IL1RAPL1: variants seen among roughly 807,000 people sequenced by gnomAD.
IL1RAPL1 encodes interleukin-1 receptor accessory protein-like 1.
Under a neutral mutation model 48.4 loss-of-function variants are expected in IL1RAPL1, and 3 were observed. The observed-to-expected ratio is 0.06, with a 90% CI of 0.03 to 0.16. IL1RAPL1 has a LOEUF of 0.16. IL1RAPL1 is among the 10% of genes least tolerant of loss of function. The probability of loss-of-function intolerance (pLI) is 1.00; values close to 1 mark genes in which losing one functional copy is unlikely to be tolerated. For synonymous variants in IL1RAPL1, 185 were observed against 187.7 expected (o/e 0.99, Z 0.12); for missense variants, 349 against 530.6 (o/e 0.66, Z 3.36).
At chrX:29,178,366 G>A (rs1930071450) in intron 2 of IL1RAPL1, among the ~76,000 whole-genome samples, 1 of 112,274 alleles carries the variant, frequency 8.9e-6, no homozygotes, top group African/African-American at 3.2e-5. Flanking sequence ...ATTTTGTCAT[G>A]TGTCTATTGG....
chrX:28,835,001 C>T (rs1921169055), intron 2 of IL1RAPL1, among the ~76,000 whole-genome samples: 1 of 111,789 alleles, frequency 8.9e-6, no homozygotes, highest in African/African-American at 3.2e-5. Context: ...GAATACCCCA[C>T]ATAGAGGTCA....
At chrX:29,313,285 G>A (rs986788189) in intron 3 of IL1RAPL1, among the ~76,000 whole-genome samples, 11 of 75,274 alleles carry the variant, frequency 1.5e-4, no homozygotes, top group Admixed American at 7.7e-4. Flanking sequence ...GTGTGTGTGT[G>A]TGCGCGCGCA....
At chrX:29,046,832 C>T (rs776740814) in intron 2 of IL1RAPL1, among the ~76,000 whole-genome samples, 2 of 112,220 alleles carry the variant, frequency 1.8e-5, no homozygotes, top group Admixed American at 9.5e-5. Flanking sequence ...CATAATCATT[C>T]ATCAGCTCAA....
At chrX:28,651,836 C>G (rs1222949297) in intron 1 of IL1RAPL1, among the ~76,000 whole-genome samples, 1 of 111,494 alleles carries the variant, frequency 9.0e-6, no homozygotes, top group East Asian at 2.8e-4. Context: ...TACTTTAGCA[C>G]GACAGAGTTA....
At chrX:28,869,532 T>C (rs1241557330) in intron 2 of IL1RAPL1, among the ~76,000 whole-genome samples, 1 of 111,785 alleles carries the variant, frequency 8.9e-6, no homozygotes, top group Non-Finnish European at 1.9e-5. Flanking sequence ...GAAAGTAAAG[T>C]GGGATATGAT....
intron 2 of IL1RAPL1, among the ~76,000 whole-genome samples, chrX:29,020,077 A>G (rs955190337): frequency 8.9e-6 from 1 of 112,756 alleles, no homozygotes; most frequent in African/African-American, 3.2e-5. Flanking sequence ...TAAAGAACGA[A>G]CGAATGAATA....
rs745802066 is a variant in IL1RAPL1 at position 29,221,674 on chromosome X, T to C, written c.83-61264T>C. On this transcript the variant is annotated intron_variant, in intron 2 of 10. Coordinates refer to ENST00000378993, the MANE Select transcript of IL1RAPL1 (RefSeq NM_014271.4). The stretch of plus-strand genomic sequence containing the variant: ...ACACACACACACACACACACACACA[T>C]ATGACAGACTTCTCCAGCTCTCTGA... Among the ~76,000 whole-genome samples the C allele has an allele frequency of 1.0e-3, 89 of 87,705 alleles. 1 individual carries two copies. The South Asian group carries it at 0.018, about 18-fold the overall frequency. The allele number at this position is 87,705 out of a possible 115,157, so 76.2% of individuals were successfully genotyped here.
intron 2 of IL1RAPL1, among the ~76,000 whole-genome samples, chrX:29,153,728 C>T (rs923185477): frequency 8.9e-6 from 1 of 112,065 alleles, no homozygotes; most frequent in Non-Finnish European, 1.9e-5. Flanking sequence ...TTTGTATTGA[C>T]CACATTGAGA....
At chrX:28,962,694 A>G (rs1194073924) in intron 2 of IL1RAPL1, among the ~76,000 whole-genome samples, 1 of 111,485 alleles carries the variant, frequency 9.0e-6, no homozygotes, top group Non-Finnish European at 1.9e-5. Context: ...CAGTATTTAC[A>G]TTCTATTAGG....
chrX:28,757,676 C>T, intron 1 of IL1RAPL1, among the ~76,000 whole-genome samples: 1 of 111,812 alleles, frequency 8.9e-6, no homozygotes, highest in Non-Finnish European at 1.9e-5. Flanking sequence ...AGGCAGTTTC[C>T]AGCACTGTCA....
rs113623986 is a variant in IL1RAPL1 at position 29,505,068 on chromosome X, C to A, written c.703+105760C>A. ...TAATTATAACATTCTTTTGAAGAGA[C>A]GACAACTTATCTTAGATAAAAAAGA... On this transcript the variant is annotated intron_variant, in intron 5 of 10. Transcript: ENST00000378993. Among the ~76,000 whole-genome samples, 3 of 111,344 alleles carry A rather than the reference C, an allele frequency of 2.7e-5. No homozygotes were observed. In the Admixed American group the frequency reaches 2.9e-4, roughly 11 times the overall value.
intron 2 of IL1RAPL1, among the ~76,000 whole-genome samples, chrX:28,891,164 A>G (rs138136798): frequency 1.5e-3 from 165 of 111,987 alleles, no homozygotes; most frequent in African/African-American, 5.1e-3. Context: ...AGAACTCTCA[A>G]TGTAGTCTCT....
At chrX:29,793,420 A>G (rs926024197) in intron 6 of IL1RAPL1, among the ~76,000 whole-genome samples, 11 of 112,199 alleles carry the variant, frequency 9.8e-5, no homozygotes, top group African/African-American at 1.3e-4. Context: ...CTTCAATTCA[A>G]TCTCTTTTCA....
intron 2 of IL1RAPL1, among the ~76,000 whole-genome samples, chrX:28,919,759 A>G (rs967955443): frequency 3.6e-5 from 4 of 112,294 alleles, no homozygotes; most frequent in Non-Finnish European, 7.5e-5. Context: ...AATGAATGCT[A>G]TAGCTGACAA....
At chrX:28,736,386 G>T (rs1327032700) in intron 1 of IL1RAPL1, among the ~76,000 whole-genome samples, 5 of 107,648 alleles carry the variant, frequency 4.6e-5, no homozygotes, top group African/African-American at 1.7e-4. Flanking sequence ...GTGAGCCGAG[G>T]TTGTGCCATT....
At chrX:28,628,535 A>G (rs1020541124) in intron 1 of IL1RAPL1, among the ~76,000 whole-genome samples, 2 of 112,408 alleles carry the variant, frequency 1.8e-5, no homozygotes, top group Admixed American at 1.9e-4. Flanking sequence ...AGAAAGGATT[A>G]TTTAGGCATC....
intron 2 of IL1RAPL1, among the ~76,000 whole-genome samples, chrX:29,025,705 C>T (rs1047600090): frequency 4.5e-5 from 5 of 111,641 alleles, no homozygotes; most frequent in African/African-American, 1.6e-4. Context: ...TAAAAATACA[C>T]TCCTTCTTTA....
In IL1RAPL1 at chrX:29,531,718, C is replaced by T. The variant is rs746041256; in HGVS notation, c.703+132410C>T. ...AAGTGTTGGCACAGCCATGCTCTCTCTTAAGGCTCTTGAGGGATGATTCTT... is the reference window on the plus strand; with the variant it reads ...AAGTGTTGGCACAGCCATGCTCTCTTTTAAGGCTCTTGAGGGATGATTCTT... On this transcript the variant is annotated intron_variant, in intron 5 of 10. Coordinates refer to ENST00000378993, the MANE Select transcript of IL1RAPL1 (RefSeq NM_014271.4). Among the ~76,000 whole-genome samples, 212 of 112,314 alleles carry T rather than the reference C, an allele frequency of 1.9e-3. 1 individual carries two copies. Among genetic ancestry groups the T allele is most frequent in the Non-Finnish European group, 2.4e-3 (130 of 53,255 alleles).
chrX:29,586,186 A>G (rs978359792), intron 5 of IL1RAPL1, among the ~76,000 whole-genome samples: 18 of 111,792 alleles, frequency 1.6e-4, no homozygotes, highest in African/African-American at 5.5e-4. Context: ...CAGGTCTTAT[A>G]TTTAAGTTTT....
Sources: gnomAD v4.1 joint callset for allele counts (sites outside exome capture counted in the v4.1 genomes callset) on GRCh38, gnomAD v4.1.1 for gene constraint, MANE v1.5 for transcripts, NCBI Gene and HGNC (gene_info 2026-07-23, HGNC 2026-07-21) for gene names.